PDE4D: variants seen among roughly 807,000 people sequenced by gnomAD.
The protein encoded by PDE4D is 3',5'-cyclic-AMP phosphodiesterase 4D.
In PDE4D, 24 loss-of-function variants were observed where a neutral mutation model predicts 87.4. That is an observed-to-expected ratio of 0.27 (90% CI 0.20 to 0.39). The LOEUF is 0.39. PDE4D is among the 10% of genes least tolerant of loss of function. The pLI, the probability that PDE4D is intolerant of heterozygous loss-of-function variation, is 1.00. For synonymous variants in PDE4D, 384 were observed against 383.2 expected (o/e 1.00, Z -0.02); for missense variants, 714 against 1,041.0 (o/e 0.69, Z 4.32).
chr5:59,547,537 T>A (rs946768495), intron 1 of PDE4D, among the ~76,000 whole-genome samples: 15 of 152,298 alleles, frequency 9.8e-5, no homozygotes, highest in Non-Finnish European at 1.9e-4. Flanking sequence ...AATTTTGACT[T>A]TTTTGACAGT....
rs1338731940 is a variant in PDE4D, at chr5:59,053,645, G to GTTTTTTTTTT, written c.809-14675_809-14674insAAAAAAAAAA. Among the ~76,000 whole-genome samples the GTTTTTTTTTT allele has an allele frequency of 8.7e-4, 60 of 68,786 alleles. 3 individuals are homozygous for GTTTTTTTTTT. The highest frequency in any genetic ancestry group is 2.4e-3 in the African/African-American group (46 of 19,370). The allele number at this position is 68,786 out of a possible 152,430, so 45.1% of individuals were successfully genotyped here. A position where few individuals can be genotyped will look rare whatever the true frequency, so the allele number is the denominator to read the frequency against. On this transcript the variant is annotated intron_variant, in intron 5 of 14. Coordinates refer to ENST00000340635, the MANE Select transcript of PDE4D (RefSeq NM_001104631.2). ...TATGAATTAAGTTGTTTTGTTTTTT[G>GTTTTTTTTTT]TTTTTTTTTGTTGTTGTTTTTTTTT...
At chr5:60,043,682 A>T (rs887833907) in intron 2 of PDE4D, among the ~76,000 whole-genome samples, 3 of 151,966 alleles carry the variant, frequency 2.0e-5, no homozygotes, top group African/African-American at 7.3e-5. Context: ...AAGGTTAAGG[A>T]ATATTAAAGA....
At chr5:59,286,580 C>A (rs1042994777) in intron 1 of PDE4D, among the ~76,000 whole-genome samples, 1 of 152,122 alleles carries the variant, frequency 6.6e-6, no homozygotes, top group Non-Finnish European at 1.5e-5. Context: ...ACATTGAAAT[C>A]ATTAAAAGTT....
chr5:59,623,185 G>A (rs1172135123), intron 1 of PDE4D, among the ~76,000 whole-genome samples: 1 of 152,072 alleles, frequency 6.6e-6, no homozygotes, highest in Non-Finnish European at 1.5e-5. Flanking sequence ...ATCCTCATTT[G>A]GCATAGTTTC....
At chr5:59,391,436 C>T (rs1788220452) in intron 1 of PDE4D, among the ~76,000 whole-genome samples, 1 of 152,018 alleles carries the variant, frequency 6.6e-6, no homozygotes, top group Admixed American at 6.6e-5. Context: ...ATCAAATTGA[C>T]TTAAAAAGAG....
At chr5:60,263,520 A>G in intron 1 of PDE4D, among the ~76,000 whole-genome samples, 1 of 152,220 alleles carries the variant, frequency 6.6e-6, no homozygotes, top group Non-Finnish European at 1.5e-5. Context: ...CTAGCTCTAC[A>G]CAACAGTTAA....
chr5:59,987,768 G>A (rs1762591778), intron 3 of PDE4D: 1 of 152,166 alleles, frequency 6.6e-6, no homozygotes, highest in Admixed American at 6.5e-5. Context: ...AATAATTGAT[G>A]TGCCCAATAT....
intron 5 of PDE4D, among the ~76,000 whole-genome samples, chr5:59,053,507 G>A (rs765407400): frequency 9.2e-5 from 14 of 151,512 alleles, no homozygotes; most frequent in Non-Finnish European, 1.8e-4. Context: ...TTTGATTTGA[G>A]ACAAATTTGA....
chr5:59,299,095 C>T (rs79125315), intron 1 of PDE4D, among the ~76,000 whole-genome samples: 1 of 152,162 alleles, frequency 6.6e-6, no homozygotes, highest in South Asian at 2.1e-4. Context: ...GAATACCCGC[C>T]TCTCAAAGCT....
chr5:59,178,450 T>G (rs1407719749), intron 5 of PDE4D, among the ~76,000 whole-genome samples: 2 of 152,162 alleles, frequency 1.3e-5, no homozygotes, highest in Admixed American at 6.5e-5. Flanking sequence ...ATTTCTTAAT[T>G]TCTGTGGCTC....
chr5:59,524,073 TG>T (rs1812668518), intron 1 of PDE4D, among the ~76,000 whole-genome samples: 1 of 152,220 alleles, frequency 6.6e-6, no homozygotes, highest in East Asian at 1.9e-4. Flanking sequence ...TACAGTCAGT[TG>T]GTACTGAGAG....
chr5:59,187,618 C>T (rs1445798901), intron 3 of PDE4D, among the ~76,000 whole-genome samples: 2 of 152,212 alleles, frequency 1.3e-5, no homozygotes, highest in Admixed American at 1.3e-4. Flanking sequence ...CTTCCGGTCT[C>T]TCCTTCAGAC....
chr5:59,264,722 T>C (rs1004428883), intron 1 of PDE4D, among the ~76,000 whole-genome samples: 6 of 152,004 alleles, frequency 3.9e-5, no homozygotes, highest in African/African-American at 7.2e-5. Context: ...ACAGTTTGTT[T>C]TGTTTTGTTT....
chr5:59,112,329 G>A (rs1006291629), intron 5 of PDE4D, among the ~76,000 whole-genome samples: 3 of 152,198 alleles, frequency 2.0e-5, no homozygotes, highest in African/African-American at 4.8e-5. Flanking sequence ...GCTACACGTT[G>A]TGGGCCACAA....
At chr5:60,066,943 A>T (rs1772169297) in intron 2 of PDE4D, among the ~76,000 whole-genome samples, 2 of 152,110 alleles carry the variant, frequency 1.3e-5, no homozygotes, top group African/African-American at 4.8e-5. Context: ...TTTTTCAGAG[A>T]AACTGCTCTA....
At chr5:59,703,782 T>G (rs899899521) in intron 1 of PDE4D, 1 of 320,726 alleles carries the variant, frequency 3.1e-6, no homozygotes, top group Admixed American at 4.5e-5. Flanking sequence ...AATGTGTGCA[T>G]GAATGACTTG....
At chr5:60,327,015 C>G (rs1156541256) in intron 1 of PDE4D, among the ~76,000 whole-genome samples, 2 of 152,028 alleles carry the variant, frequency 1.3e-5, no homozygotes, top group African/African-American at 4.8e-5. Context: ...TTTCTTTATC[C>G]CCTGCTTACA....
chr5:60,398,931 C>T (rs1459430165), intron 1 of PDE4D, among the ~76,000 whole-genome samples: 3 of 152,094 alleles, frequency 2.0e-5, no homozygotes, highest in Admixed American at 2.0e-4. Flanking sequence ...AATCACTAAA[C>T]TCTACTTCCT....
chr5:59,007,319 G>A (rs146413856), intron 6 of PDE4D, among the ~76,000 whole-genome samples: 15 of 152,164 alleles, frequency 9.9e-5, no homozygotes, highest in African/African-American at 2.2e-4. Flanking sequence ...TCTATATAAC[G>A]TGGTCTCTCA....
Sources: gnomAD v4.1 joint callset for allele counts (sites outside exome capture counted in the v4.1 genomes callset) on GRCh38, gnomAD v4.1.1 for gene constraint, MANE v1.5 for transcripts, NCBI Gene and HGNC (gene_info 2026-07-23, HGNC 2026-07-21) for gene names.